DAP3: variants seen among roughly 807,000 people sequenced by gnomAD.
DAP3 encodes small ribosomal subunit protein mS29.
Under a neutral mutation model 51.9 loss-of-function variants are expected in DAP3, and 28 were observed. The observed-to-expected ratio is 0.54, with a 90% confidence interval of 0.40 to 0.74. The LOEUF is 0.74. DAP3 is among the 30% of genes least tolerant of loss of function. The probability of loss-of-function intolerance (pLI) is 0.00; values close to 1 mark genes in which losing one functional copy is unlikely to be tolerated. For missense variants in DAP3, 458 were observed against 483.5 expected (o/e 0.95, Z 0.49); for synonymous variants, 170 against 170.3 (o/e 1.00, Z 0.01).
chr1:155,700,220 C>T (rs1655007455), intron 1 of DAP3, among the ~76,000 whole-genome samples: 1 of 152,224 alleles, frequency 6.6e-6, no homozygotes, highest in Admixed American at 6.5e-5. Flanking sequence ...CAGGCATGAG[C>T]CACTGCACCC....
chr1:155,716,945 T>C, intron 2 of DAP3, 61 bp from the exon 3 acceptor site: 5 of 1,519,610 alleles, frequency 3.3e-6, no homozygotes, highest in Non-Finnish European at 4.4e-6. Flanking sequence ...AGAAACTCCA[T>C]CTCAAAAAAA....
intron 11 of DAP3, among the ~76,000 whole-genome samples, chr1:155,732,626 T>C (rs1312140003): frequency 6.6e-6 from 1 of 152,210 alleles, no homozygotes; most frequent in Non-Finnish European, 1.5e-5. Context: ...AAAATTGACA[T>C]TGATATCATA....
At chr1:155,710,201 C>T (rs186737101) in intron 2 of DAP3, 62 of 163,180 alleles carry the variant, frequency 3.8e-4, no homozygotes, top group Middle Eastern at 2.9e-3. Flanking sequence ...TTCATTTTTT[C>T]ACATATTTAC....
intron 3 of DAP3, among the ~76,000 whole-genome samples, chr1:155,720,660 A>AAAAC (rs976068195): frequency 6.6e-6 from 1 of 151,848 alleles, no homozygotes. Context: ...AAAAAAAAAC[A>AAAAC]AAACAAACAA....
At chr1:155,732,464 C>T (rs1659345499) in intron 11 of DAP3, among the ~76,000 whole-genome samples, 1 of 152,064 alleles carries the variant, frequency 6.6e-6, no homozygotes, top group Non-Finnish European at 1.5e-5. Context: ...CTCCTGACCT[C>T]AAGTGATCCG....
rs557660923 is a variant in DAP3, at chr1:155,730,939, T to C, written c.844-417T>C. 7.9e-5 allele frequency among the ~76,000 whole-genome samples: 12 copies of C among 152,158 alleles called. No individual in the cohort carries two copies. The South Asian group carries it at 2.5e-3, about 32-fold the overall frequency. ...CGTGGCTTATCCTAGAGGGAGTACC[T>C]TCAGGTATACAATTATGTCTTAGTT... On this transcript the variant is annotated intron_variant, in intron 9 of 12. Coordinates refer to ENST00000368336, the MANE Select transcript of DAP3 (RefSeq NM_004632.4).
chr1:155,710,359 A>C (rs1218022470), intron 2 of DAP3: 18 of 152,028 alleles, frequency 1.2e-4, no homozygotes, highest in Admixed American at 1.2e-3. Flanking sequence ...AGCCTCCCGA[A>C]TAGCTGGGAC....
At chr1:155,729,797 A>T (rs1659000590) in intron 9 of DAP3, among the ~76,000 whole-genome samples, 1 of 151,944 alleles carries the variant, frequency 6.6e-6, no homozygotes, top group South Asian at 2.1e-4. Flanking sequence ...AAAAATATAT[A>T]TATGGCTGGG....
intron 1 of DAP3, among the ~76,000 whole-genome samples, chr1:155,705,047 T>C (rs753802981): frequency 1.3e-5 from 2 of 152,140 alleles, no homozygotes; most frequent in African/African-American, 2.4e-5. Flanking sequence ...ATCCCAGCAC[T>C]TCGAGAGGCT....
Position 155,699,329 on chromosome 1 carries a change from A to G in DAP3, c.-8+10155A>G, listed in dbSNP as rs147948324. Among the ~76,000 whole-genome samples, 54 of 152,294 alleles carry G rather than the reference A, an allele frequency of 3.5e-4. No homozygotes were observed. In the South Asian group the frequency reaches 4.4e-3, roughly 12 times the overall value. On this transcript the variant is annotated intron_variant, in intron 1 of 12. Transcript: ENST00000368336. ...AGCCTGCATATCTAGCCACATTCCA[A>G]TGCTTCAGAGGAGCGTCTTTCTTCT...
intron 11 of DAP3, among the ~76,000 whole-genome samples, chr1:155,736,278 C>T (rs915523108): frequency 1.1e-4 from 16 of 152,202 alleles, no homozygotes; most frequent in Non-Finnish European, 2.4e-4. Flanking sequence ...CAGCATGAGC[C>T]ACCATATTCC....
intron 9 of DAP3, 124 bp downstream of exon 9, chr1:155,729,490 C>A: frequency 7.6e-7 from 1 of 1,310,984 alleles, no homozygotes; most frequent in Middle Eastern, 2.7e-4. Flanking sequence ...TGAAGATAAA[C>A]AGTAAAGAGC....
intron 4 of DAP3, among the ~76,000 whole-genome samples, chr1:155,724,992 T>C (rs558719384): frequency 3.9e-5 from 6 of 152,178 alleles, no homozygotes; most frequent in Non-Finnish European, 5.9e-5. Flanking sequence ...AGAGTTAATG[T>C]TTATTGAATT....
chr1:155,702,896 G>A (rs1158470567), intron 1 of DAP3, among the ~76,000 whole-genome samples: 6 of 152,186 alleles, frequency 3.9e-5, no homozygotes, highest in African/African-American at 1.2e-4. Flanking sequence ...TTGAACCTGG[G>A]AGGCAGAGGT....
rs879023821 is a variant in DAP3, at chr1:155,721,541, G to A, written c.193G>A (p.Gly65Ser). 3 of 1,613,818 alleles carry A rather than the reference G, an allele frequency of 1.9e-6. No individual in the cohort carries two copies. Among genetic ancestry groups the A allele is most frequent in the South Asian group, 2.2e-5 (2 of 91,072 alleles). The change falls in exon 4 of 13, where the codon GGT (glycine) becomes AGT (serine). Residue 65 changes from glycine to serine, a missense_variant. By Grantham distance (56) the Gly-to-Ser change is moderately conservative (BLOSUM62 0). Coordinates refer to ENST00000368336, the MANE Select transcript of DAP3 (RefSeq NM_004632.4). ...DPAKHGDQHE[G>S]QHYNISPQDL... ...GGCCAAGCATGGGGATCAGCACGAG[G>A]GTCAGCACTACAACATCTCCCCCCA...
chr1:155,717,521 G>T (rs1657476009), intron 3 of DAP3, among the ~76,000 whole-genome samples: 1 of 152,320 alleles, frequency 6.6e-6, no homozygotes, highest in South Asian at 2.1e-4. Flanking sequence ...GAATATTTCA[G>T]GCCGATGGAC....
chr1:155,714,693 T>G (rs1657120734), intron 2 of DAP3, among the ~76,000 whole-genome samples: 1 of 151,908 alleles, frequency 6.6e-6, no homozygotes, highest in Admixed American at 6.6e-5. Context: ...GGGCAGAGGT[T>G]GTAGTGAGCT....
At chr1:155,688,175 T>C (rs1652831545), upstream of DAP3, 2 of 1,613,678 alleles carry the variant, frequency 1.2e-6, no homozygotes, top group Non-Finnish European at 1.7e-6. Context: ...CTCCCGCTTG[T>C]CAGGAGGCGG....
chr1:155,703,234 G>T (rs759966242), intron 1 of DAP3, among the ~76,000 whole-genome samples: 3 of 152,160 alleles, frequency 2.0e-5, no homozygotes, highest in Non-Finnish European at 2.9e-5. Context: ...TTAAGAAAAA[G>T]AGGTTTAATG....
Sources: allele counts gnomAD v4.1 joint callset (sites outside exome capture counted in the v4.1 genomes callset), GRCh38; gene constraint gnomAD v4.1.1; transcripts MANE v1.5; gene names NCBI Gene and HGNC (gene_info 2026-07-23, HGNC 2026-07-21).